ERC1: variants seen among roughly 807,000 people sequenced by gnomAD.
The protein encoded by ERC1 is ELKS/RAB6-interacting/CAST family member 1, also known as RAB6 interacting protein 2.
A neutral mutation model predicts 132.0 loss-of-function variants in ERC1; 56 were observed. The observed-to-expected ratio is 0.42, with a 90% CI of 0.34 to 0.53. ERC1 has a LOEUF of 0.53. Among genes scored for constraint, ERC1 ranks in the 20% least tolerant of loss-of-function variants. The probability of loss-of-function intolerance (pLI) is 0.03; values close to 1 mark genes in which losing one functional copy is unlikely to be tolerated. For synonymous variants in ERC1, 478 were observed against 476.1 expected, an observed-to-expected ratio of 1.00 and a Z score of -0.05; for missense variants, 1,202 against 1,349.9, an observed-to-expected ratio of 0.89 and a Z score of 1.72.
chr12:1,073,643 T>C (rs34213826), intron 2 of ERC1, among the ~76,000 whole-genome samples: 34,562 of 152,110 alleles, frequency 0.23, 4,350 homozygotes, highest in Middle Eastern at 0.28. Context: ...AGCGAGACTC[T>C]GTCTCAAAAC....
rs2094328255 is a variant in ERC1 at position 1,492,736 on chromosome 12, G to C, written c.*2506G>C. 1 of 232,554 alleles carries C rather than the reference G, an allele frequency of 4.3e-6. No homozygotes were observed. The highest frequency in any genetic ancestry group is 1.8e-4 in the South Asian group (1 of 5,526). The allele number at this position is 232,554 out of a possible 1,614,324, so 14.4% of individuals were successfully genotyped here. ...CTTGGGCACTGGAGGCTGGCTAGGA[G>C]TTCAGTAATAAACGTGGCCTTCGTG... On this transcript the variant is annotated 3_prime_UTR_variant, in exon 19 of 19. Coordinates refer to ENST00000360905, the MANE Select transcript of ERC1 (RefSeq NM_178040.4).
intron 14 of ERC1, among the ~76,000 whole-genome samples, chr12:1,270,797 T>C (rs1435146551): frequency 6.6e-6 from 1 of 151,808 alleles, no homozygotes; most frequent in Non-Finnish European, 1.5e-5. Context: ...TAAATATTTT[T>C]ATTGAGAAAA....
chr12:1,182,981 G>A (rs775824601), intron 10 of ERC1, among the ~76,000 whole-genome samples: 4 of 152,146 alleles, frequency 2.6e-5, no homozygotes, highest in Non-Finnish European at 4.4e-5. Context: ...TTAAGTTAAC[G>A]TAGCTACTGA....
At chr12:1,324,555 G>T (rs2082326396) in intron 15 of ERC1, among the ~76,000 whole-genome samples, 1 of 152,178 alleles carries the variant, frequency 6.6e-6, no homozygotes, top group Non-Finnish European at 1.5e-5. Context: ...AATCCAGTCA[G>T]AGAGGGAGCA....
intron 16 of ERC1, among the ~76,000 whole-genome samples, chr12:1,394,206 C>A (rs545369822): frequency 1.3e-5 from 2 of 150,998 alleles, no homozygotes; most frequent in Admixed American, 6.6e-5. Flanking sequence ...CGAGACCATC[C>A]TGGCTAACAC....
chr12:1,277,101 C>T (rs532842973), intron 14 of ERC1, among the ~76,000 whole-genome samples: 6 of 152,170 alleles, frequency 3.9e-5, no homozygotes, highest in Non-Finnish European at 5.9e-5. Flanking sequence ...TTATCCCTGA[C>T]CTGTCCTTCA....
At chr12:1,096,087 C>T (rs551480433) in intron 3 of ERC1, among the ~76,000 whole-genome samples, 2 of 152,180 alleles carry the variant, frequency 1.3e-5, no homozygotes, top group African/African-American at 4.8e-5. Flanking sequence ...CCACCACACC[C>T]AGCTAGTTTT....
intron 18 of ERC1, among the ~76,000 whole-genome samples, chr12:1,484,071 T>C (rs76392972): frequency 0.013 from 2,034 of 151,000 alleles, 27 homozygotes; most frequent in Middle Eastern, 0.034. Flanking sequence ...TTTGGGAGGC[T>C]GAGGCGGGCG....
At chr12:1,447,717 T>C (rs2093338513) in intron 18 of ERC1, among the ~76,000 whole-genome samples, 1 of 151,988 alleles carries the variant, frequency 6.6e-6, no homozygotes, top group Non-Finnish European at 1.5e-5. Context: ...TGGCACGATC[T>C]CAGCTCACTG....
At chr12:1,209,221 G>A (rs941027168) in intron 12 of ERC1, among the ~76,000 whole-genome samples, 5 of 151,730 alleles carry the variant, frequency 3.3e-5, no homozygotes, top group Admixed American at 6.6e-5. Context: ...CACCCGCCTC[G>A]GCCTCCCAAA....
At chr12:1,110,982 A>C (rs1565987278) in intron 5 of ERC1, among the ~76,000 whole-genome samples, 1 of 152,072 alleles carries the variant, frequency 6.6e-6, no homozygotes, top group Non-Finnish European at 1.5e-5. Flanking sequence ...GGGATTACAG[A>C]CGTGAGCCAC....
At chr12:1,183,463 A>G (rs753068415) in intron 11 of ERC1, 42 bp downstream of exon 11, 20 of 1,442,338 alleles carry the variant, frequency 1.4e-5, no homozygotes, top group Middle Eastern at 3.6e-4. Flanking sequence ...TGCCTTAAAT[A>G]AGAACATAGT....
In ERC1 at chr12:1,023,063, A is replaced by G. The variant is rs1046063510; in HGVS notation, c.-156-4685A>G. ...CCCAGCCCTGCAGAACTGTGAGTCA[A>G]TTAAACCTCTTTCTTTTATAAATTA... On this transcript the variant is annotated intron_variant, in intron 1 of 18. Coordinates refer to ENST00000360905, the MANE Select transcript of ERC1 (RefSeq NM_178040.4). Among the ~76,000 whole-genome samples, 5 of 152,298 alleles carry G rather than the reference A, an allele frequency of 3.3e-5. No individual in the cohort carries two copies. In the East Asian group the frequency reaches 5.8e-4, roughly 18 times the overall value.
At chr12:1,201,576 T>A (rs1956919599) in intron 12 of ERC1, among the ~76,000 whole-genome samples, 1 of 152,216 alleles carries the variant, frequency 6.6e-6, no homozygotes, top group Admixed American at 6.5e-5. Flanking sequence ...ACCATCTCCT[T>A]GGCAAAATGG....
rs1489605950 is a variant in ERC1, at chr12:1,079,715, T to C, written c.670-3449T>C. On this transcript the variant is annotated intron_variant, in intron 2 of 18. Transcript: ENST00000360905. ...TGATTTGTAATATGACAAAAGTCGA[T>C]ATACAGAGATATAGACAGAAATGAT... is the stretch of plus-strand genomic sequence containing the variant. Among the ~76,000 whole-genome samples the C allele has an allele frequency of 2.3e-5, 3 of 132,148 alleles. 1 individual carries two copies. Among genetic ancestry groups the C allele is most frequent in the South Asian group, 5.1e-4 (2 of 3,944 alleles). 86.7% of individuals were successfully genotyped at this position (132,148 alleles called of 152,430 possible).
At chr12:1,161,152 TGTG>T (rs551924504) in intron 8 of ERC1, among the ~76,000 whole-genome samples, 1,594 of 152,254 alleles carry the variant, frequency 0.01, 15 homozygotes, top group Middle Eastern at 0.051. Context: ...GACATATAGA[TGTG>T]GTCTCTGCTC....
chr12:1,227,615 G>T (rs1398220393), intron 12 of ERC1, among the ~76,000 whole-genome samples: 1 of 152,138 alleles, frequency 6.6e-6, no homozygotes, highest in Non-Finnish European at 1.5e-5. Context: ...TCTTTACTCT[G>T]TTGATTGCTT....
chr12:1,350,695 T>C (rs1421346705), intron 15 of ERC1, among the ~76,000 whole-genome samples: 1 of 152,214 alleles, frequency 6.6e-6, no homozygotes, highest in Non-Finnish European at 1.5e-5. Context: ...AGAGTGTATC[T>C]GTCTTAGTCT....
chr12:1,184,708 G>C (rs1325832329), intron 11 of ERC1, among the ~76,000 whole-genome samples: 1 of 152,148 alleles, frequency 6.6e-6, no homozygotes, highest in Non-Finnish European at 1.5e-5. Context: ...ATTTATTGAG[G>C]AAAGGATTGA....
Sources: allele counts gnomAD v4.1 joint callset (sites outside exome capture counted in the v4.1 genomes callset), GRCh38; gene constraint gnomAD v4.1.1; transcripts MANE v1.5; gene names NCBI Gene and HGNC (gene_info 2026-07-23, HGNC 2026-07-21).